The following ACAN variants were observed in gnomAD, a reference collection of about 807,000 sequenced individuals.
ACAN encodes the protein aggrecan, also known as aggrecan core protein.
In ACAN, 47 loss-of-function variants were observed where a neutral mutation model predicts 169.1. That is an observed-to-expected ratio of 0.28 (90% CI 0.22 to 0.35). The LOEUF (loss-of-function observed/expected upper bound fraction) is 0.35. ACAN is among the 10% of genes least tolerant of loss of function. ACAN has a pLI of 1.00. For missense variants in ACAN, 2,716 were observed against 2,759.9 expected (o/e 0.98, Z 0.36); for synonymous variants, 1,115 against 1,112.2 (o/e 1.00, Z -0.05).
At chr15:88,823,648 G>A (rs1051081477) in intron 1 of ACAN, among the ~76,000 whole-genome samples, 14 of 152,048 alleles carry the variant, frequency 9.2e-5, no homozygotes, top group East Asian at 7.7e-4. Context: ...GGCCATCCAC[G>A]GCTGCAGCCA....
Position 88,857,476 on chromosome 15 carries a change from G to C in ACAN, c.4891G>C (p.Gly1631Arg), listed in dbSNP as rs1401323831. ...ETSGLPSGFS[G>R]EYSGVDLGSG... ...AAGTGGTCTTCCCTCTGGATTTAGTGGTGAGTATTCTGGGGTGGACCTTGG... is the reference window on the plus strand; with the variant it reads ...AAGTGGTCTTCCCTCTGGATTTAGTCGTGAGTATTCTGGGGTGGACCTTGG... Residue 1631 changes from glycine to arginine, a missense_variant, in exon 12 of 19, where the codon GGT (glycine) becomes CGT (arginine). Gly to Arg is a moderately radical substitution (Grantham distance 125, BLOSUM62 -2). Transcript: ENST00000560601. 1 of 1,613,808 alleles carries C rather than the reference G, an allele frequency of 6.2e-7. No homozygotes were observed. The highest frequency in any genetic ancestry group is 1.7e-5 in the Admixed American group (1 of 60,012).
intron 13 of ACAN, among the ~76,000 whole-genome samples, chr15:88,864,944 A>G (rs1330704839): frequency 6.6e-6 from 1 of 152,150 alleles, no homozygotes; most frequent in Non-Finnish European, 1.5e-5. Flanking sequence ...AGCATTTTTT[A>G]TGAGCAAATA....
chr15:88,846,806 C>T (rs1455168333), intron 7 of ACAN, among the ~76,000 whole-genome samples: 3 of 152,126 alleles, frequency 2.0e-5, no homozygotes, highest in East Asian at 1.9e-4. Flanking sequence ...TCCTGGATCC[C>T]GAAGGATAAC....
chr15:88,858,047 G>A lies in ACAN; in HGVS notation c.5462G>A (p.Ser1821Asn). Residue 1821 changes from serine (S) to asparagine (N), a missense_variant, in exon 12 of 19, where the codon AGT becomes AAT. Physicochemically the swap from Ser to Asn is conservative, Grantham distance 46 (BLOSUM62 1). Around this residue, in one of 3 missense-constraint regions of ACAN, gnomAD observed 1,389 missense variants for 1,363.7 expected, o/e 1.02. Coordinates refer to ENST00000560601, the MANE Select transcript of ACAN (RefSeq NM_001369268.1). This position sits in a 1 kb window ranked among gnomAD's most constrained non-coding sequence, Gnocchi z 4.0. ...CCTGACCTGGTTTCTGGTACCACGA[G>A]TGGCAGCGGTGAATCTTCTGGGATT... ...GVPDLVSGTT[S>N]GSGESSGITF... 7 of 1,614,030 alleles carry A rather than the reference G, an allele frequency of 4.3e-6. No individual in the cohort carries two copies. Among genetic ancestry groups the A allele is most frequent in the Non-Finnish European group, 5.9e-6 (7 of 1,179,904 alleles).
At chr15:88,830,675 G>A (rs1896337534) in intron 1 of ACAN, among the ~76,000 whole-genome samples, 1 of 152,086 alleles carries the variant, frequency 6.6e-6, no homozygotes, top group African/African-American at 2.4e-5. Context: ...GATAAACAAT[G>A]GTACACCTAT....
In ACAN at chr15:88,858,368, C is replaced by G; in HGVS notation, c.5783C>G (p.Pro1928Arg). The G allele has an allele frequency of 6.2e-7, 1 of 1,613,918 alleles. No homozygotes were observed. Among genetic ancestry groups the G allele is most frequent in the Non-Finnish European group, 8.5e-7 (1 of 1,179,888 alleles). ...GGAGCATATTATGGCAGTGGAACTC[C>G]ATCTAGTTTCCCCACTGTCTCTCTT... ...PSGAYYGSGTPSSFPTVSLVD... is the reference protein window; with the variant it reads ...PSGAYYGSGTRSSFPTVSLVD... The change falls in exon 12 of 19, where the codon CCA (proline) becomes CGA (arginine). Residue 1928 changes from proline to arginine, a missense_variant. By Grantham distance (103) the Pro-to-Arg change is moderately radical. Transcript: ENST00000560601. This position sits in a 1 kb window ranked among gnomAD's most constrained non-coding sequence, Gnocchi z 4.0.
Position 88,838,910 on chromosome 15 carries a change from G to T in ACAN, c.318G>T (p.Leu106=). ...VNSAYQDKVS[L]PNYPAIPSDA... is the part of the protein sequence containing the mutation. ...GTGCCTATCAGGACAAGGTCTCACT[G>T]CCCAACTACCCGGCCATCCCCAGTG... is the stretch of plus-strand genomic sequence containing the variant. The change falls in exon 3 of 19, where the codon CTG becomes CTT. Residue 106 remains leucine (L), a synonymous_variant. Transcript: ENST00000560601. The surrounding 1 kb of genome is among the most constrained non-coding windows in gnomAD (Gnocchi z 5.1). 1.2e-6 allele frequency: 2 copies of T among 1,614,050 alleles called. No homozygotes were observed. The highest frequency in any genetic ancestry group is 1.7e-6 in the Non-Finnish European group (2 of 1,179,902).
rs1421411077 is a variant in ACAN at position 88,858,873 on chromosome 15, C to T, written c.6288C>T (p.Val2096=). Residue 2096 remains valine (V), a synonymous_variant, in exon 12 of 19, where the codon GTC becomes GTT. Coordinates refer to ENST00000560601, the MANE Select transcript of ACAN (RefSeq NM_001369268.1). This position sits in a 1 kb window ranked among gnomAD's most constrained non-coding sequence, Gnocchi z 4.0. The part of the protein sequence containing the change: ...LPGSGVEVSS[V]PESSSETSAY... ...GGTCTGGAGTAGAAGTATCATCAGTCCCAGAATCTAGCAGTGAGACGTCCG... is the reference window on the plus strand; with the variant it reads ...GGTCTGGAGTAGAAGTATCATCAGTTCCAGAATCTAGCAGTGAGACGTCCG... The T allele has an allele frequency of 1.2e-6, 2 of 1,611,130 alleles. No homozygotes were observed. Among genetic ancestry groups the T allele is most frequent in the Non-Finnish European group, 8.5e-7 (1 of 1,178,120 alleles).
chr15:88,845,501 CT>C lies in ACAN; in HGVS notation c.1052-3del. 6.3e-7 allele frequency: 1 copy of C among 1,596,562 alleles called. No individual in the cohort carries two copies. Among genetic ancestry groups the C allele is most frequent in the Non-Finnish European group, 8.6e-7 (1 of 1,168,310 alleles). Reference sequence around the variant, plus strand: ...GCTAAAGCTTGTCTTTGCCCCTCCCCTAGGTGAAGACTTTGTGGACATCCCA... The same window carrying C: ...GCTAAAGCTTGTCTTTGCCCCTCCCCAGGTGAAGACTTTGTGGACATCCCA... On this transcript the variant is annotated splice_region_variant and splice_polypyrimidine_tract_variant and intron_variant, in intron 6 of 18. Transcript: ENST00000560601.
At chr15:88,850,104 C>T (rs1283128012) in intron 10 of ACAN, 1 of 571,358 alleles carries the variant, frequency 1.8e-6, no homozygotes, top group African/African-American at 1.9e-5. Context: ...GTGCCCTTGG[C>T]ATAGTGCCTG....
At chr15:88,829,848 G>T (rs1215000932) in intron 1 of ACAN, among the ~76,000 whole-genome samples, 1 of 152,248 alleles carries the variant, frequency 6.6e-6, no homozygotes, top group Non-Finnish European at 1.5e-5. Context: ...GTGTGAGTTA[G>T]CATAAAGGGA....
intron 8 of ACAN, 56 bp from the exon 9 acceptor site, chr15:88,847,855 G>T: frequency 6.3e-7 from 1 of 1,592,370 alleles, no homozygotes; most frequent in Non-Finnish European, 8.6e-7. Flanking sequence ...CCAGGGCCGT[G>T]CATCTACCAG....
At chr15:88,836,138 A>C in intron 1 of ACAN, 62 bp from the exon 2 acceptor site, 3 of 1,184,586 alleles carry the variant, frequency 2.5e-6, no homozygotes, top group Non-Finnish European at 3.8e-6. Context: ...ATGTCACATG[A>C]CTCTGCTTGA....
chr15:88,865,176 T>C (rs1295521377), intron 13 of ACAN, among the ~76,000 whole-genome samples: 1 of 152,220 alleles, frequency 6.6e-6, no homozygotes, highest in African/African-American at 2.4e-5. Context: ...CTTTTGGTTA[T>C]AGTAGTGGGA....
chr15:88,828,820 G>C (rs1012169738), intron 1 of ACAN, among the ~76,000 whole-genome samples: 1 of 152,158 alleles, frequency 6.6e-6, no homozygotes, highest in Admixed American at 6.5e-5. Flanking sequence ...CCGAGGCTCC[G>C]GGTCAGGCAG....
rs1286923677 is a variant in ACAN, at chr15:88,803,586, C to G, written c.-231C>G. Reference sequence around the variant, plus strand: ...CTCCGGGCACCTTTCAGTGTCCATTCCCTCAGCCAGCCAGGACTCCGCAAC... The same window carrying G: ...CTCCGGGCACCTTTCAGTGTCCATTGCCTCAGCCAGCCAGGACTCCGCAAC... On this transcript the variant is annotated 5_prime_UTR_variant, in exon 1 of 19. Transcript: ENST00000560601. The G allele has an allele frequency of 6.6e-6, 1 of 152,096 alleles. No individual in the cohort carries two copies. The highest frequency in any genetic ancestry group is 3.1e-3 in the Middle Eastern group (1 of 320). The allele number at this position is 152,096 out of a possible 1,614,324, so 9.4% of individuals were successfully genotyped here.
At position 88,874,341 on chromosome 15, in the gene ACAN, G is replaced by C; in HGVS notation, c.7631-64G>C. ...AGGGAGAGAGGGTAGTCTGGGGAGA[G>C]CCTGGGCTCGCCCCACTTTCTTTCC... is the stretch of plus-strand genomic sequence containing the variant. On this transcript the variant is annotated intron_variant, in intron 18 of 18. Transcript: ENST00000560601. The surrounding 1 kb of genome is among the most constrained non-coding windows in gnomAD (Gnocchi z 7.3). 1 of 1,456,534 alleles carries C rather than the reference G, an allele frequency of 6.9e-7. No homozygotes were observed. Among genetic ancestry groups the C allele is most frequent in the East Asian group, 2.5e-5 (1 of 40,540 alleles). The allele number at this position is 1,456,534 out of a possible 1,614,324, so 90.2% of individuals were successfully genotyped here.
rs1896576162 is a variant in ACAN at position 88,838,884 on chromosome 15, A to G, written c.292A>G (p.Ser98Gly). ...VATEGRVRVNSAYQDKVSLPN... is the reference protein window; with the variant it reads ...VATEGRVRVNGAYQDKVSLPN... ...CACTGAAGGGCGCGTGCGGGTCAACAGTGCCTATCAGGACAAGGTCTCACT... is the reference window on the plus strand; with the variant it reads ...CACTGAAGGGCGCGTGCGGGTCAACGGTGCCTATCAGGACAAGGTCTCACT... The change falls in exon 3 of 19, where the codon AGT (serine) becomes GGT (glycine). Residue 98 changes from serine (S) to glycine (G), a missense_variant. Physicochemically the swap from Ser to Gly is moderately conservative, Grantham distance 56 (BLOSUM62 0). Coordinates refer to ENST00000560601, the MANE Select transcript of ACAN (RefSeq NM_001369268.1). The surrounding 1 kb of genome is among the most constrained non-coding windows in gnomAD (Gnocchi z 5.1). The G allele has an allele frequency of 6.2e-7, 1 of 1,614,070 alleles. No individual in the cohort carries two copies. Among genetic ancestry groups the G allele is most frequent in the Non-Finnish European group, 8.5e-7 (1 of 1,179,906 alleles).
At chr15:88,834,322 ACACT>A (rs759096224) in intron 1 of ACAN, among the ~76,000 whole-genome samples, 158 of 152,174 alleles carry the variant, frequency 1.0e-3, no homozygotes, top group Non-Finnish European at 1.3e-3. Context: ...GAAAGATGAC[ACACT>A]CAATCAACAG....
Sources: gnomAD v4.1 joint callset for allele counts (sites outside exome capture counted in the v4.1 genomes callset) on GRCh38, gnomAD v4.1.1 for gene constraint, gnomAD v4.1.1 regional missense constraint, Gnocchi (gnomAD v3.1) non-coding constraint, MANE v1.5 for transcripts, NCBI Gene and HGNC (gene_info 2026-07-23, HGNC 2026-07-21) for gene names.